Variants in TASP1 observed in about 807,000 individuals in gnomAD.
The protein encoded by TASP1 is taspase 1, also known as threonine aspartase 1.
A neutral mutation model predicts 56.6 loss-of-function variants in TASP1; 16 were observed. The ratio of observed to expected loss-of-function variants is 0.28; its 90% CI spans 0.19 to 0.43. The LOEUF (loss-of-function observed/expected upper bound fraction) is 0.43. Ranked by LOEUF, TASP1 falls within the 20% of genes least tolerant of loss-of-function variation. TASP1 has a pLI of 1.00. For synonymous variants in TASP1, 179 were observed against 184.2 expected, an observed-to-expected ratio of 0.97 and a Z score of 0.23; for missense variants, 393 against 511.6, an observed-to-expected ratio of 0.77 and a Z score of 2.24.
chr20:13,376,507 G>A, the TASP1 span, among the ~76,000 whole-genome samples: 6,890 of 152,238 alleles, frequency 0.045, 479 homozygotes, highest in African/African-American at 0.15. Flanking sequence ...GTCAGGAAGC[G>A]TGATGCCTCC....
the TASP1 span, among the ~76,000 whole-genome samples, chr20:13,208,801 C>A: frequency 6.6e-6 from 1 of 152,222 alleles, no homozygotes; most frequent in Non-Finnish European, 1.5e-5. Context: ...GGCCACAGGC[C>A]TCCTCACACA....
At chr20:13,469,584 C>T (rs547994048) in intron 11 of TASP1, among the ~76,000 whole-genome samples, 22 of 152,122 alleles carry the variant, frequency 1.4e-4, no homozygotes, top group African/African-American at 4.8e-4. Context: ...AATAATTGAA[C>T]TTCCCACACA....
intron 10 of TASP1, among the ~76,000 whole-genome samples, chr20:13,508,791 T>C (rs1367941450): frequency 6.6e-6 from 1 of 152,098 alleles, no homozygotes; most frequent in Admixed American, 6.5e-5. Context: ...AATGAGGTAT[T>C]CCCTCACACC....
intron 10 of TASP1, among the ~76,000 whole-genome samples, chr20:13,516,218 C>T (rs754226474): frequency 1.1e-4 from 16 of 152,206 alleles, no homozygotes; most frequent in Admixed American, 2.0e-4. Flanking sequence ...GAACCTTCTA[C>T]AGAGGGAACC....
the TASP1 span, among the ~76,000 whole-genome samples, chr20:13,194,543 ATGTGTGTGTGTG>A: frequency 3.5e-3 from 493 of 142,388 alleles, 2 homozygotes; most frequent in African/African-American, 9.4e-3. Context: ...TCACCAAGAA[ATGTGTGTGTGTG>A]TGTGTGTGTG....
At chr20:13,284,785 G>A in the TASP1 span, among the ~76,000 whole-genome samples, 6 of 152,114 alleles carry the variant, frequency 3.9e-5, no homozygotes, top group South Asian at 2.1e-4. Context: ...GCCACATGGC[G>A]AGTTCTATGC....
At chr20:13,569,188 T>TTCTC (rs368700107) in intron 7 of TASP1, among the ~76,000 whole-genome samples, 2 of 151,266 alleles carry the variant, frequency 1.3e-5, no homozygotes, top group South Asian at 2.1e-4. Context: ...CTATATTTTC[T>TTCTC]TCTCTCTCTC....
intron 4 of TASP1, among the ~76,000 whole-genome samples, chr20:13,606,066 T>G (rs2048137587): frequency 6.6e-6 from 1 of 152,118 alleles, no homozygotes; most frequent in African/African-American, 2.4e-5. Context: ...TCCTTTGAGA[T>G]GCTGAGTTTG....
the TASP1 span, among the ~76,000 whole-genome samples, chr20:13,179,699 T>C: frequency 6.6e-6 from 1 of 152,038 alleles, no homozygotes; most frequent in Non-Finnish European, 1.5e-5. Flanking sequence ...ATCTCAGACA[T>C]GGAGTGCCCG....
At chr20:13,199,273 T>C in the TASP1 span, among the ~76,000 whole-genome samples, 3 of 152,148 alleles carry the variant, frequency 2.0e-5, no homozygotes, top group Non-Finnish European at 2.9e-5. Context: ...CACATGCTCA[T>C]TATTCTCCTT....
the TASP1 span, among the ~76,000 whole-genome samples, chr20:13,260,459 A>G: frequency 6.6e-6 from 1 of 152,258 alleles, no homozygotes; most frequent in Non-Finnish European, 1.5e-5. Context: ...CTTTGAGCTA[A>G]CAGGTAGAAG....
chr20:13,126,537 C>A, the TASP1 span: 1 of 1,599,022 alleles, frequency 6.3e-7, no homozygotes, highest in African/African-American at 1.3e-5. Flanking sequence ...TAATTCCCAC[C>A]ACCAGTGTTG....
the TASP1 span, among the ~76,000 whole-genome samples, chr20:13,362,297 C>A: frequency 6.6e-6 from 1 of 151,830 alleles, no homozygotes; most frequent in South Asian, 2.1e-4. Flanking sequence ...CACGTATATG[C>A]CCAGATGGCC....
At chr20:13,492,403 C>T (rs1388302056) in intron 10 of TASP1, among the ~76,000 whole-genome samples, 6 of 152,146 alleles carry the variant, frequency 3.9e-5, no homozygotes, top group South Asian at 2.1e-4. Context: ...TTACACAGTA[C>T]GTCACCTTTT....
At chr20:13,350,543 T>C in the TASP1 span, among the ~76,000 whole-genome samples, 1 of 152,082 alleles carries the variant, frequency 6.6e-6, no homozygotes, top group Non-Finnish European at 1.5e-5. Context: ...TTACGCTCTA[T>C]GAAAAAAGAA....
At chr20:13,515,146 T>C (rs534159760) in intron 10 of TASP1, among the ~76,000 whole-genome samples, 116 of 152,148 alleles carry the variant, frequency 7.6e-4, no homozygotes, top group Non-Finnish European at 1.5e-3. Flanking sequence ...CATACAGGAA[T>C]TGGTATATTC....
chr20:13,254,518 T>C, the TASP1 span, among the ~76,000 whole-genome samples: 2 of 152,208 alleles, frequency 1.3e-5, no homozygotes, highest in Admixed American at 6.5e-5. Flanking sequence ...CCTGCTGCTC[T>C]CTGTTGCTTT....
At chr20:13,155,007 C>A in the TASP1 span, among the ~76,000 whole-genome samples, 268 of 151,886 alleles carry the variant, frequency 1.8e-3, 3 homozygotes, top group African/African-American at 6.2e-3. Flanking sequence ...ATGGTGAGAC[C>A]CTGTCTCTAC....
At chr20:13,484,500 C>T (rs1600956219) in intron 10 of TASP1, among the ~76,000 whole-genome samples, 2 of 152,004 alleles carry the variant, frequency 1.3e-5, no homozygotes, top group East Asian at 1.9e-4. Flanking sequence ...TTTGGGAGGC[C>T]GAGGTGGGTG....
Sources: allele counts gnomAD v4.1 joint callset (sites outside exome capture counted in the v4.1 genomes callset), GRCh38; gene constraint gnomAD v4.1.1; transcripts MANE v1.5; gene names NCBI Gene and HGNC (gene_info 2026-07-23, HGNC 2026-07-21).